LTB4R: variants seen among roughly 807,000 people sequenced by gnomAD.
LTB4R encodes the protein leukotriene B4 receptor 1.
For synonymous variants in LTB4R, 250 were observed against 230.7 expected (o/e 1.08, Z -0.76); for missense variants, 470 against 485.6 (o/e 0.97, Z 0.30).
chr14:24,316,723 G>A lies in LTB4R; in HGVS notation c.*13G>A, dbSNP rs1410794877. 1.3e-6 allele frequency: 2 copies of A among 1,505,122 alleles called. No individual in the cohort carries two copies. Among genetic ancestry groups the A allele is most frequent in the Non-Finnish European group, 1.8e-6 (2 of 1,127,530 alleles). 93.2% of individuals were successfully genotyped at this position (1,505,122 alleles called of 1,614,324 possible). A position where few individuals can be genotyped will look rare whatever the true frequency, so the allele number is the denominator to read the frequency against. ...CGAACTGAACTAGGCCTGGTGGAAG[G>A]AGGCGCACTTTCCTCCTGGCAGAAT... On this transcript the variant is annotated 3_prime_UTR_variant, in exon 2 of 2. Transcript: ENST00000345363.
Position 24,316,600 on chromosome 14 carries a change from C to A in LTB4R, c.949C>A (p.Arg317Ser). The A allele has an allele frequency of 6.8e-7, 1 of 1,466,406 alleles. No homozygotes were observed. Among genetic ancestry groups the A allele is most frequent in the Non-Finnish European group, 9.0e-7 (1 of 1,115,544 alleles). The allele number at this position is 1,466,406 out of a possible 1,614,324, so 90.8% of individuals were successfully genotyped here. Residue 317 changes from arginine (R) to serine (S), a missense_variant, in exon 2 of 2, where the codon CGC becomes AGC. By Grantham distance (110) the Arg-to-Ser change is moderately radical (BLOSUM62 -1). Coordinates refer to ENST00000345363, the MANE Select transcript of LTB4R (RefSeq NM_001143919.3). ...GGGCTCCGAGGCGTCCAGCACGCGC[C>A]GCGGGGGCAGCCTGGGCCAGACCGC... Reference protein sequence around the residue: ...GTGSEASSTRRGGSLGQTARS... With the variant: ...GTGSEASSTRSGGSLGQTARS...
intron 1 of LTB4R, among the ~76,000 whole-genome samples, chr14:24,313,007 C>T (rs1434991961): frequency 6.6e-6 from 1 of 152,184 alleles, no homozygotes; most frequent in Non-Finnish European, 1.5e-5. Context: ...GAAGTCAAAA[C>T]AGCAAAAGAA....
chr14:24,316,960 G>T lies in LTB4R; in HGVS notation c.*250G>T. The T allele has an allele frequency of 7.3e-6, 3 of 408,440 alleles. No individual in the cohort carries two copies. Among genetic ancestry groups the T allele is most frequent in the Non-Finnish European group, 9.1e-6 (2 of 219,870 alleles). 25.3% of individuals were successfully genotyped at this position (408,440 alleles called of 1,614,324 possible). On this transcript the variant is annotated 3_prime_UTR_variant, in exon 2 of 2. Coordinates refer to ENST00000345363, the MANE Select transcript of LTB4R (RefSeq NM_001143919.3). ...AAATTTGGTCAACCTTGTGAGTGGG[G>T]TACATGTGCTGTGGGTATCGGGGTG...
Position 24,316,706 on chromosome 14 carries a change from A to G in LTB4R, c.1055A>G (p.Asn352Ser), listed in dbSNP as rs1364283233. 1.1e-5 allele frequency: 17 copies of G among 1,526,450 alleles called. No individual in the cohort carries two copies. The highest frequency in any genetic ancestry group is 5.7e-5 in the African/African-American group (4 of 70,098). 94.6% of individuals were successfully genotyped at this position (1,526,450 alleles called of 1,614,324 possible). Residue 352 changes from asparagine to serine, a missense_variant, in exon 2 of 2, where the codon AAC becomes AGC. Coordinates refer to ENST00000345363, the MANE Select transcript of LTB4R (RefSeq NM_001143919.3). ...AGCCCTCTCAAGTTAAACGAACTGA[A>G]CTAGGCCTGGTGGAAGGAGGCGCAC... Reference protein sequence around the residue: ...ASSPLKLNELN With the variant: ...ASSPLKLNELS
chr14:24,316,009 G>C lies in LTB4R; in HGVS notation c.358G>C (p.Ala120Pro), dbSNP rs1594642010. ...GAGTCTAGACCGCTCACTGGCGGTG[G>C]CCCGCCCCTTTGTGTCCCAGAAGCT... is the stretch of plus-strand genomic sequence containing the variant. ...AMSLDRSLAV[A>P]RPFVSQKLRT... is the part of the protein sequence containing the mutation. The change falls in exon 2 of 2, where the codon GCC becomes CCC. Residue 120 changes from alanine (A) to proline (P), a missense_variant. Coordinates refer to ENST00000345363, the MANE Select transcript of LTB4R (RefSeq NM_001143919.3). The C allele has an allele frequency of 6.2e-7, 1 of 1,613,748 alleles. No homozygotes were observed. The highest frequency in any genetic ancestry group is 8.5e-7 in the Non-Finnish European group (1 of 1,180,022).
In LTB4R at chr14:24,315,680, C is replaced by G. The variant is rs765896130; in HGVS notation, c.29C>G (p.Pro10Arg). Residue 10 changes from proline to arginine, a missense_variant, in exon 2 of 2, where the codon CCC (proline) becomes CGC (arginine). Pro to Arg is a moderately radical substitution (Grantham distance 103, BLOSUM62 -2). Coordinates refer to ENST00000345363, the MANE Select transcript of LTB4R (RefSeq NM_001143919.3). ...AACACTACATCTTCTGCAGCACCCCCCTCACTAGGTGTAGAGTTCATCTCT... is the reference window on the plus strand; with the variant it reads ...AACACTACATCTTCTGCAGCACCCCGCTCACTAGGTGTAGAGTTCATCTCT... MNTTSSAAP[P>R]SLGVEFISLL... 5.0e-6 allele frequency: 8 copies of G among 1,613,992 alleles called. No homozygotes were observed. The highest frequency in any genetic ancestry group is 6.8e-6 in the Non-Finnish European group (8 of 1,180,002).
Position 24,316,369 on chromosome 14 carries a change from G to T in LTB4R, c.718G>T (p.Val240Leu). ...CGCCTTCTGGCTGCCCTACCACGTG[G>T]TGAACCTGGCTGAGGCGGGCCGCGC... ...FAAFWLPYHVVNLAEAGRALA... is the reference protein window; with the variant it reads ...FAAFWLPYHVLNLAEAGRALA... The change falls in exon 2 of 2, where the codon GTG (valine) becomes TTG (leucine). Residue 240 changes from valine (V) to leucine (L), a missense_variant. Coordinates refer to ENST00000345363, the MANE Select transcript of LTB4R (RefSeq NM_001143919.3). 1 of 1,597,794 alleles carries T rather than the reference G, an allele frequency of 6.3e-7. No homozygotes were observed.
rs2041735215 is a variant in LTB4R at position 24,313,003 on chromosome 14, A to G, written c.-16+1199A>G. Among the ~76,000 whole-genome samples the G allele has an allele frequency of 2.6e-5, 4 of 152,216 alleles. No homozygotes were observed. In the South Asian group the frequency reaches 8.3e-4, roughly 32 times the overall value. On this transcript the variant is annotated intron_variant, in intron 1 of 1. Transcript: ENST00000345363. Reference sequence around the variant, plus strand: ...CCTCCCTGCTTCCCAGACAGAAGTCAAAACAGCAAAAGAAACCCAGTCCCC... The same window carrying G: ...CCTCCCTGCTTCCCAGACAGAAGTCGAAACAGCAAAAGAAACCCAGTCCCC...
chr14:24,315,766 G>A lies in LTB4R; in HGVS notation c.115G>A (p.Val39Met). The change falls in exon 2 of 2, where the codon GTG becomes ATG. Residue 39 changes from valine to methionine, a missense_variant. Physicochemically the swap from Val to Met is conservative, Grantham distance 21 (BLOSUM62 1). Coordinates refer to ENST00000345363, the MANE Select transcript of LTB4R (RefSeq NM_001143919.3). Reference sequence around the variant, plus strand: ...TGTGGGGCTTCCCGGCAACAGCTTTGTGGTGTGGAGTATCCTGAAAAGGAT... The same window carrying A: ...TGTGGGGCTTCCCGGCAACAGCTTTATGGTGTGGAGTATCCTGAAAAGGAT... ...LAVGLPGNSF[V>M]VWSILKRMQK... is the part of the protein sequence containing the mutation. 6.2e-7 allele frequency: 1 copy of A among 1,614,246 alleles called. No homozygotes were observed. Among genetic ancestry groups the A allele is most frequent in the Non-Finnish European group, 8.5e-7 (1 of 1,180,040 alleles).
intron 1 of LTB4R, chr14:24,315,152 G>A (rs1385654308): frequency 6.4e-6 from 1 of 157,078 alleles, no homozygotes; most frequent in African/African-American, 2.4e-5. Context: ...CTTGTCACTT[G>A]TCCACTAAAC....
rs780762185 is a variant in LTB4R at position 24,316,300 on chromosome 14, C to T, written c.649C>T (p.Arg217Cys). 21 of 1,603,646 alleles carry T rather than the reference C, an allele frequency of 1.3e-5. No individual in the cohort carries two copies. In the East Asian group the frequency reaches 3.6e-4, roughly 27 times the overall value. ...RLQARRFRRS[R>C]RTGRLVVLII... ...ACAGGCCCGGCGCTTCCGCCGCAGCCGCCGCACCGGCCGCCTGGTGGTGCT... is the reference window on the plus strand; with the variant it reads ...ACAGGCCCGGCGCTTCCGCCGCAGCTGCCGCACCGGCCGCCTGGTGGTGCT... The change falls in exon 2 of 2, where the codon CGC becomes TGC. Residue 217 changes from arginine (R) to cysteine (C), a missense_variant. Transcript: ENST00000345363.
rs747778454 is a variant in LTB4R at position 24,316,309 on chromosome 14, G to C, written c.658G>C (p.Gly220Arg). 3 of 1,601,944 alleles carry C rather than the reference G, an allele frequency of 1.9e-6. No individual in the cohort carries two copies. The highest frequency in any genetic ancestry group is 1.7e-5 in the Admixed American group (1 of 59,000). ...GCGCTTCCGCCGCAGCCGCCGCACC[G>C]GCCGCCTGGTGGTGCTCATCATCCT... is the stretch of plus-strand genomic sequence containing the variant. ...ARRFRRSRRT[G>R]RLVVLIILTF... is the part of the protein sequence containing the mutation. Residue 220 changes from glycine to arginine, a missense_variant, in exon 2 of 2, where the codon GGC becomes CGC. By Grantham distance (125) the Gly-to-Arg change is moderately radical. Transcript: ENST00000345363.
chr14:24,316,560 G>A lies in LTB4R; in HGVS notation c.909G>A (p.Lys303=). 1 of 1,434,326 alleles carries A rather than the reference G, an allele frequency of 7.0e-7. No individual in the cohort carries two copies. 88.8% of individuals were successfully genotyped at this position (1,434,326 alleles called of 1,614,324 possible). A position where few individuals can be genotyped will look rare whatever the true frequency, so the allele number is the denominator to read the frequency against. ...LRSAGVGFVA[K]LLEGTGSEAS... Reference sequence around the variant, plus strand: ...CGGCGGGCGTGGGCTTCGTCGCCAAGCTGCTGGAGGGCACGGGCTCCGAGG... The same window carrying A: ...CGGCGGGCGTGGGCTTCGTCGCCAAACTGCTGGAGGGCACGGGCTCCGAGG... The change falls in exon 2 of 2, where the codon AAG becomes AAA. Residue 303 remains lysine, a synonymous_variant. Coordinates refer to ENST00000345363, the MANE Select transcript of LTB4R (RefSeq NM_001143919.3).
At position 24,316,133 on chromosome 14, in the gene LTB4R, G is replaced by A. The variant is rs1045327734; in HGVS notation, c.482G>A (p.Trp161Ter). The change falls in exon 2 of 2, where the codon TGG becomes TAG. Residue 161 changes from tryptophan to a stop codon, truncating the protein, a stop_gained. Coordinates refer to ENST00000345363, the MANE Select transcript of LTB4R (RefSeq NM_001143919.3). LOFTEE classifies it low-confidence loss of function (END_TRUNC). ...CTCGCGTACCGCACAGTAGTGCCCT[G>A]GAAAACGAACATGAGCCTGTGCTTC... Reference protein sequence around the residue: ...PVLAYRTVVPWKTNMSLCFPR... With the variant: ...PVLAYRTVVP The A allele has an allele frequency of 4.3e-6, 7 of 1,613,774 alleles. No homozygotes were observed. In the African/African-American group the frequency reaches 6.7e-5, roughly 15 times the overall value.
In LTB4R at chr14:24,311,704, G is replaced by A. The variant is rs1171876937; in HGVS notation, c.-116G>A. 1 of 1,605,392 alleles carries A rather than the reference G, an allele frequency of 6.2e-7. No individual in the cohort carries two copies. The highest frequency in any genetic ancestry group is 8.5e-7 in the Non-Finnish European group (1 of 1,174,428). Reference sequence around the variant, plus strand: ...GGCCGCGGCAATGGAGACCCGGGGGGTGGGATGGAGAAGGACGGTCCGGAA... The same window carrying A: ...GGCCGCGGCAATGGAGACCCGGGGGATGGGATGGAGAAGGACGGTCCGGAA... On this transcript the variant is annotated 5_prime_UTR_variant, in exon 1 of 2. In the 5' UTR this introduces an upstream ATG that the reference lacks. Transcript: ENST00000345363.
chr14:24,311,967 A>G (rs1375692330), intron 1 of LTB4R, 163 bp downstream of exon 1: 1 of 524,614 alleles, frequency 1.9e-6, no homozygotes, highest in South Asian at 3.6e-5. Flanking sequence ...GCAAGTTGGC[A>G]TGTACCCATG....
At chr14:24,315,343 G>C (rs921890529) in intron 1 of LTB4R, among the ~76,000 whole-genome samples, 3 of 152,166 alleles carry the variant, frequency 2.0e-5, no homozygotes, top group African/African-American at 7.2e-5. Flanking sequence ...GGTCTCCTAA[G>C]GGGAGGAGAC....
rs2041786931 is a variant in LTB4R, at chr14:24,317,444, C to T, written c.*734C>T. ...TTTGCATATCAGCATCTGCTAACCT[C>T]CACAACACACCCTGGCACAGGGTGG... is the stretch of plus-strand genomic sequence containing the variant. On this transcript the variant is annotated 3_prime_UTR_variant, in exon 2 of 2. Coordinates refer to ENST00000345363, the MANE Select transcript of LTB4R (RefSeq NM_001143919.3). The T allele has an allele frequency of 1.2e-5, 2 of 167,104 alleles. No homozygotes were observed. Among genetic ancestry groups the T allele is most frequent in the African/African-American group, 2.4e-5 (1 of 41,450 alleles). The allele number at this position is 167,104 out of a possible 1,614,324, so 10.4% of individuals were successfully genotyped here.
intron 1 of LTB4R, among the ~76,000 whole-genome samples, chr14:24,312,816 C>G (rs1051999817): frequency 6.6e-6 from 1 of 152,160 alleles, no homozygotes; most frequent in Non-Finnish European, 1.5e-5. Context: ...TCTGTGGTCA[C>G]TAAGGTGACC....
Sources: gnomAD v4.1 joint callset for allele counts (sites outside exome capture counted in the v4.1 genomes callset) on GRCh38, gnomAD v4.1.1 for gene constraint, MANE v1.5 for transcripts, NCBI Gene and HGNC (gene_info 2026-07-23, HGNC 2026-07-21) for gene names.